The following CUBN variants were observed in gnomAD, a reference collection of about 807,000 sequenced individuals.
The protein encoded by CUBN is cubilin.
Under a neutral mutation model 405.3 loss-of-function variants are expected in CUBN, and 282 were observed. The ratio of observed to expected loss-of-function variants is 0.70; its 90% CI spans 0.63 to 0.77. CUBN has a LOEUF of 0.77. CUBN is among the 30% of genes least tolerant of loss of function. The probability of loss-of-function intolerance (pLI) is 0.00; values close to 1 mark genes in which losing one functional copy is unlikely to be tolerated. For synonymous variants in CUBN, 1,684 were observed against 1,617.0 expected, an observed-to-expected ratio of 1.04 and a Z score of -0.99; for missense variants, 4,514 against 4,475.2, an observed-to-expected ratio of 1.01 and a Z score of -0.25.
At chr10:16,826,819 A>G (rs1053915968) in intron 66 of CUBN, among the ~76,000 whole-genome samples, 1 of 152,106 alleles carries the variant, frequency 6.6e-6, no homozygotes, top group Non-Finnish European at 1.5e-5. Context: ...ACCTTATGGG[A>G]GTGTCACTGT....
Position 16,840,407 on chromosome 10 carries a change from TGACCTGC to T in CUBN, c.9948_9954del (p.Gln3317ArgfsTer2), listed in dbSNP as rs1168050514. ...AGCTGTAATGCCCACACAGTTATCT[TGACCTGC>T]TGATGCGGAGGGGAATCAATGACCC... On this transcript the variant is annotated frameshift_variant, in exon 62 of 67. Transcript: ENST00000377833. LOFTEE classifies it high-confidence loss of function. The T allele has an allele frequency of 6.2e-7, 1 of 1,614,022 alleles. No homozygotes were observed. The highest frequency in any genetic ancestry group is 8.5e-7 in the Non-Finnish European group (1 of 1,180,006).
intron 27 of CUBN, among the ~76,000 whole-genome samples, chr10:17,028,235 ATTAT>A (rs1834715023): frequency 7.6e-6 from 1 of 131,642 alleles, no homozygotes. Flanking sequence ...ATTTATTATT[ATTAT>A]TATTATTATT....
chr10:16,947,168 T>A, intron 36 of CUBN, 67 bp downstream of exon 36: 1 of 1,542,656 alleles, frequency 6.5e-7, no homozygotes, highest in South Asian at 1.1e-5. Context: ...CCCATCCTAT[T>A]AGCACCAGAA....
At chr10:17,025,523 C>G (rs1216311390) in intron 27 of CUBN, among the ~76,000 whole-genome samples, 3 of 152,252 alleles carry the variant, frequency 2.0e-5, no homozygotes, top group Non-Finnish European at 4.4e-5. Context: ...ATGAGATAAA[C>G]CACGTAAAAG....
intron 33 of CUBN, among the ~76,000 whole-genome samples, chr10:16,951,499 T>C (rs1197490699): frequency 6.6e-6 from 1 of 152,156 alleles, no homozygotes; most frequent in Non-Finnish European, 1.5e-5. Flanking sequence ...CCTGAAACTG[T>C]ATTTTCCTGC....
chr10:16,890,636 A>C (rs1175697710), intron 54 of CUBN, 109 bp from the exon 55 acceptor site: 85 of 1,072,842 alleles, frequency 7.9e-5, no homozygotes, highest in Non-Finnish European at 2.3e-5. Context: ...ACTAAGCATA[A>C]GAGTAAACAA....
chr10:17,084,362 A>T lies in CUBN; in HGVS notation c.2210T>A (p.Met737Lys), dbSNP rs1396187997. Residue 737 changes from methionine (M) to lysine (K), a missense_variant, in exon 17 of 67, where the codon ATG becomes AAG. Transcript: ENST00000377833. The part of the protein sequence containing the change: ...PFTHTRQCVY[M>K]MKQPQGEQIQ... ...TTGTTCTCCCTGGGGCTGCTTCATC[A>T]TATAGACGCATTGCCTGGTGTGAGT... The T allele has an allele frequency of 6.2e-7, 1 of 1,614,038 alleles. No homozygotes were observed. The highest frequency in any genetic ancestry group is 1.3e-5 in the African/African-American group (1 of 74,934).
intron 31 of CUBN, among the ~76,000 whole-genome samples, chr10:16,963,360 T>G (rs1403547862): frequency 6.6e-6 from 1 of 151,742 alleles, no homozygotes. Flanking sequence ...TAATTTTTTG[T>G]ATTTGTAGTA....
At chr10:17,063,359 C>G (rs921196499) in intron 22 of CUBN, among the ~76,000 whole-genome samples, 5 of 152,168 alleles carry the variant, frequency 3.3e-5, no homozygotes, top group Non-Finnish European at 5.9e-5. Flanking sequence ...AGCAAACACT[C>G]CCTCGTCTGT....
intron 59 of CUBN, among the ~76,000 whole-genome samples, 189 bp downstream of exon 59, chr10:16,869,447 A>T (rs1454558541): frequency 6.7e-6 from 1 of 148,844 alleles, no homozygotes; most frequent in Non-Finnish European, 1.5e-5. Flanking sequence ...ACATTTGTTG[A>T]GTGATTTTTT....
At chr10:16,984,325 A>T in intron 29 of CUBN, 46 bp from the exon 30 acceptor site, 1 of 1,569,632 alleles carries the variant, frequency 6.4e-7, no homozygotes, top group Non-Finnish European at 8.7e-7. Context: ...TATTTTAAGC[A>T]ATTACAGGCC....
At chr10:16,860,178 C>G (rs948588461) in intron 59 of CUBN, among the ~76,000 whole-genome samples, 2 of 152,044 alleles carry the variant, frequency 1.3e-5, no homozygotes, top group African/African-American at 4.8e-5. Context: ...AAAGGTCTAT[C>G]TAAAACTAAT....
chr10:16,829,344 A>G (rs377440606), intron 65 of CUBN, among the ~76,000 whole-genome samples: 1 of 137,116 alleles, frequency 7.3e-6, no homozygotes, highest in Non-Finnish European at 1.5e-5. Context: ...GCAGAATGGA[A>G]AAAAAAAAAA....
chr10:17,081,798 C>T (rs973454701), intron 17 of CUBN, among the ~76,000 whole-genome samples: 2 of 152,156 alleles, frequency 1.3e-5, no homozygotes, highest in African/African-American at 4.8e-5. Flanking sequence ...TAGAGTTTGA[C>T]CTTTGTGAGC....
Position 17,129,656 on chromosome 10 carries a change from A to G in CUBN, c.110T>C (p.Ile37Thr). The G allele has an allele frequency of 6.2e-7, 1 of 1,614,146 alleles. No individual in the cohort carries two copies. The highest frequency in any genetic ancestry group is 2.2e-5 in the East Asian group (1 of 44,876). ...TGTGTTTACTTACTGTTGGAGATTG[A>G]TGCTTCTTTTTTGTCTCTGCAGCTC... ...ELELQRQKRS[I>T]NLQQPRMATE... Residue 37 changes from isoleucine (I) to threonine (T), a missense_variant, in exon 1 of 67, where the codon ATC becomes ACC. By Grantham distance (89) the Ile-to-Thr change is moderately conservative (BLOSUM62 -1). This residue lies in a region of CUBN where 1,448 missense variants were observed against 1,388.0 expected (regional missense o/e 1.04). Transcript: ENST00000377833.
intron 36 of CUBN, among the ~76,000 whole-genome samples, chr10:16,946,762 C>T (rs569209622): frequency 4.6e-5 from 7 of 151,900 alleles, no homozygotes; most frequent in South Asian, 4.2e-4. Flanking sequence ...TCCCAAAGTG[C>T]GGGATTACAG....
chr10:16,975,376 T>C (rs1296670757), intron 31 of CUBN, among the ~76,000 whole-genome samples: 1 of 152,214 alleles, frequency 6.6e-6, no homozygotes, highest in Non-Finnish European at 1.5e-5. Context: ...TGTGTTTATG[T>C]CCCATGTAGG....
intron 28 of CUBN, among the ~76,000 whole-genome samples, chr10:17,000,879 GTTCGGAATTGGTTTCT>G (rs1833858788): frequency 6.6e-6 from 1 of 152,208 alleles, no homozygotes; most frequent in Non-Finnish European, 1.5e-5. Flanking sequence ...ATGAGATTGT[GTTCGGAATTGGTTTCT>G]TCCGGTGGGT....
intron 28 of CUBN, among the ~76,000 whole-genome samples, chr10:17,012,029 A>G (rs1357079882): frequency 6.6e-6 from 1 of 152,108 alleles, no homozygotes; most frequent in Non-Finnish European, 1.5e-5. Flanking sequence ...AGGGGCCCTG[A>G]AGTTGTAGTG....
Sources: allele counts gnomAD v4.1 joint callset (sites outside exome capture counted in the v4.1 genomes callset), GRCh38; gene constraint gnomAD v4.1.1; regional missense constraint gnomAD v4.1.1; transcripts MANE v1.5; gene names NCBI Gene and HGNC (gene_info 2026-07-23, HGNC 2026-07-21).